The following KIF6 variants were observed in gnomAD, a reference collection of about 807,000 sequenced individuals.
KIF6 encodes kinesin family member 6, also known as kinesin-like protein KIF6.
A neutral mutation model predicts 112.7 loss-of-function variants in KIF6; 106 were observed. The ratio of observed to expected loss-of-function variants is 0.94; its 90% confidence interval spans 0.80 to 1.11. KIF6 has a LOEUF of 1.11. Among genes scored for constraint, KIF6 ranks in the 50% least tolerant of loss-of-function variants. The pLI, the probability that KIF6 is intolerant of heterozygous loss-of-function variation, is 0.00. For synonymous variants in KIF6, 339 were observed against 339.9 expected (o/e 1.00, Z 0.03); for missense variants, 929 against 964.0 (o/e 0.96, Z 0.48).
chr6:39,532,999 C>A (rs572812476), intron 13 of KIF6, among the ~76,000 whole-genome samples: 1 of 152,164 alleles, frequency 6.6e-6, no homozygotes, highest in Non-Finnish European at 1.5e-5. Context: ...ACTGACACAC[C>A]TTTCAAAAGC....
At chr6:39,612,478 T>C (rs1783269146) in intron 6 of KIF6, among the ~76,000 whole-genome samples, 2 of 152,124 alleles carry the variant, frequency 1.3e-5, no homozygotes, top group South Asian at 4.1e-4. Flanking sequence ...CAGTTACAAT[T>C]TGGGCCCCTG....
chr6:39,685,384 G>A (rs557178823), intron 3 of KIF6, among the ~76,000 whole-genome samples: 3 of 152,334 alleles, frequency 2.0e-5, no homozygotes, highest in Non-Finnish European at 4.4e-5. Flanking sequence ...GTGGGAGAAT[G>A]AGGCTGTACT....
chr6:39,385,674 T>G lies in KIF6; in HGVS notation c.1811-2A>C, dbSNP rs749543654. 6 of 1,611,002 alleles carry G rather than the reference T, an allele frequency of 3.7e-6. No homozygotes were observed. Among genetic ancestry groups the G allele is most frequent in the Non-Finnish European group, 5.1e-6 (6 of 1,178,744 alleles). Reference sequence around the variant, plus strand: ...GGGTGATTTCTTCCTTCAGGTGACCTGCCAAAGACACAAAAGAAAACTACC... The same window carrying G: ...GGGTGATTTCTTCCTTCAGGTGACCGGCCAAAGACACAAAAGAAAACTACC... On this transcript the variant is annotated splice_acceptor_variant, in intron 15 of 22. Coordinates refer to ENST00000287152, the MANE Select transcript of KIF6 (RefSeq NM_145027.6). LOFTEE classifies it high-confidence loss of function.
At chr6:39,643,983 T>G (rs1785037193) in intron 3 of KIF6, among the ~76,000 whole-genome samples, 1 of 151,994 alleles carries the variant, frequency 6.6e-6, no homozygotes, top group Admixed American at 6.6e-5. Context: ...AACTCAATAA[T>G]AAGAAGACAA....
intron 13 of KIF6, among the ~76,000 whole-genome samples, chr6:39,462,008 G>T (rs527793885): frequency 1.1e-4 from 16 of 152,274 alleles, no homozygotes; most frequent in African/African-American, 3.6e-4. Flanking sequence ...GAAATTCAGA[G>T]ATAATTTCAA....
At chr6:39,623,677 T>C (rs1218139022) in intron 5 of KIF6, among the ~76,000 whole-genome samples, 1 of 152,192 alleles carries the variant, frequency 6.6e-6, no homozygotes, top group African/African-American at 2.4e-5. Context: ...TAACTAACTT[T>C]CGTTTTGTAG....
chr6:39,667,505 G>A (rs1455989658), intron 3 of KIF6, among the ~76,000 whole-genome samples: 1 of 152,026 alleles, frequency 6.6e-6, no homozygotes, highest in Non-Finnish European at 1.5e-5. Context: ...ATCTCCCTTG[G>A]AAACACCCTC....
chr6:39,565,263 TC>T (rs1780221649), intron 10 of KIF6, among the ~76,000 whole-genome samples: 1 of 152,222 alleles, frequency 6.6e-6, no homozygotes, highest in Non-Finnish European at 1.5e-5. Context: ...TTGTATATGA[TC>T]ATTTACTTGC....
At chr6:39,677,080 A>G (rs1191720458) in intron 3 of KIF6, among the ~76,000 whole-genome samples, 2 of 152,252 alleles carry the variant, frequency 1.3e-5, no homozygotes, top group Non-Finnish European at 2.9e-5. Context: ...GATCATATCA[A>G]TATGCTTGAT....
chr6:39,413,422 G>A (rs377477829), intron 15 of KIF6, among the ~76,000 whole-genome samples: 1 of 152,124 alleles, frequency 6.6e-6, no homozygotes, highest in Non-Finnish European at 1.5e-5. Context: ...TTCAGTTTAT[G>A]TGGTGCAGAT....
chr6:39,545,643 G>A lies in KIF6; in HGVS notation c.1227C>T (p.Asp409=), dbSNP rs776470286. Residue 409 remains aspartate (D), a synonymous_variant, in exon 11 of 23, where the codon GAC becomes GAT. Transcript: ENST00000287152. ...ITSFLEDQDS[D]SRLEVGADMR... ...TATCCGCGCCAACCTCTAATCTACT[G>A]TCTGAATCCTGGTCTTCCAAAAAGG... 6.2e-7 allele frequency: 1 copy of A among 1,613,648 alleles called. No individual in the cohort carries two copies. The highest frequency in any genetic ancestry group is 8.5e-7 in the Non-Finnish European group (1 of 1,179,684).
intron 10 of KIF6, among the ~76,000 whole-genome samples, chr6:39,569,304 T>C (rs1166076371): frequency 6.6e-6 from 1 of 152,234 alleles, no homozygotes; most frequent in Non-Finnish European, 1.5e-5. Flanking sequence ...TCAAATACTG[T>C]AGAATATTTA....
intron 3 of KIF6, among the ~76,000 whole-genome samples, chr6:39,648,226 G>C (rs920389431): frequency 3.6e-4 from 39 of 109,148 alleles, no homozygotes; most frequent in Non-Finnish European, 5.4e-4. Context: ...GGGCGGGCGG[G>C]GGGGGGTGCC....
intron 13 of KIF6, among the ~76,000 whole-genome samples, chr6:39,462,679 A>G (rs959661699): frequency 6.6e-6 from 1 of 152,186 alleles, no homozygotes; most frequent in Non-Finnish European, 1.5e-5. Flanking sequence ...CTGACGAGAT[A>G]TCTGAAATGA....
chr6:39,676,349 G>C (rs1787139696), intron 3 of KIF6, among the ~76,000 whole-genome samples: 3 of 152,120 alleles, frequency 2.0e-5, no homozygotes, highest in African/African-American at 7.2e-5. Context: ...AGAACATGCT[G>C]TCAACCAAGA....
chr6:39,506,361 G>T (rs1424915270), intron 13 of KIF6, among the ~76,000 whole-genome samples: 2 of 152,116 alleles, frequency 1.3e-5, no homozygotes, highest in Non-Finnish European at 2.9e-5. Flanking sequence ...CCTGTTGGGG[G>T]TTGGGCACGA....
chr6:39,524,271 C>G (rs566524002), intron 13 of KIF6, among the ~76,000 whole-genome samples: 6 of 152,102 alleles, frequency 3.9e-5, no homozygotes, highest in African/African-American at 1.4e-4. Context: ...TATATTTTGT[C>G]ATGAAAACAA....
At chr6:39,522,873 G>A (rs1488757791) in intron 13 of KIF6, among the ~76,000 whole-genome samples, 3 of 152,020 alleles carry the variant, frequency 2.0e-5, no homozygotes, top group Non-Finnish European at 4.4e-5. Flanking sequence ...CTCTTTTCCT[G>A]GCTACCCTTC....
Position 39,578,141 on chromosome 6 carries a change from T to C in KIF6, c.1096A>G (p.Lys366Glu). ...TCATCCTTCAGTTCCTGGATTTCCT[T>C]TTGTAGGCGTTTAATCACCTACAAA... ...NPRLVIKRLQ[K>E]EIQELKDELA... is the part of the protein sequence containing the mutation. Residue 366 changes from lysine (K) to glutamate (E), a missense_variant, in exon 10 of 23, where the codon AAG (lysine) becomes GAG (glutamate). By Grantham distance (56) the Lys-to-Glu change is moderately conservative (BLOSUM62 1). Transcript: ENST00000287152. 2.5e-6 allele frequency: 4 copies of C among 1,613,582 alleles called. No individual in the cohort carries two copies. Among genetic ancestry groups the C allele is most frequent in the Non-Finnish European group, 3.4e-6 (4 of 1,179,500 alleles).
Sources: allele counts gnomAD v4.1 joint callset (sites outside exome capture counted in the v4.1 genomes callset), GRCh38; gene constraint gnomAD v4.1.1; transcripts MANE v1.5; gene names NCBI Gene and HGNC (gene_info 2026-07-23, HGNC 2026-07-21).